The following KDM8 variants were observed in gnomAD, a reference collection of about 807,000 sequenced individuals.
KDM8 encodes lysine demethylase 8, also known as bifunctional peptidase and arginyl-hydroxylase JMJD5.
KDM8 carries 35 observed loss-of-function variants against 46.9 expected under a neutral mutation model. The ratio of observed to expected loss-of-function variants is 0.75; its 90% confidence interval spans 0.57 to 0.99. KDM8 has a LOEUF of 0.99. Ranked by LOEUF, KDM8 falls within the 50% of genes least tolerant of loss-of-function variation. The probability of loss-of-function intolerance (pLI) is 0.00; values close to 1 mark genes in which losing one functional copy is unlikely to be tolerated. For missense variants in KDM8, 475 were observed against 537.0 expected (o/e 0.88, Z 1.14); for synonymous variants, 232 against 227.7 (o/e 1.02, Z -0.17).
intron 1 of KDM8, among the ~76,000 whole-genome samples, chr16:27,208,900 A>G (rs114533779): frequency 0.013 from 1,907 of 152,342 alleles, 48 homozygotes; most frequent in African/African-American, 0.044. Context: ...CTTGCTAGAA[A>G]GAAAGTTCAT....
rs1330222317 is a variant in KDM8 at position 27,219,016 on chromosome 16, GGGA to G, written c.909_911del (p.Glu304del). 1.2e-6 allele frequency: 2 copies of G among 1,614,072 alleles called. No homozygotes were observed. The highest frequency in any genetic ancestry group is 2.2e-5 in the South Asian group (2 of 91,072). On this transcript the variant is annotated inframe_deletion, in exon 6 of 8. Coordinates refer to ENST00000286096, the MANE Select transcript of KDM8 (RefSeq NM_024773.3). The stretch of plus-strand genomic sequence containing the variant: ...CCCGACTACTGCAGCCTGGGCGATG[GGGA>G]GGAGGAGGAAATCACCATCAATGCC...
chr16:27,204,256 C>T, intron 1 of KDM8: 1 of 1,406,460 alleles, frequency 7.1e-7, no homozygotes. Context: ...TAACGATGGG[C>T]ATCGGTGCGT....
At chr16:27,209,382 G>A (rs111906739) in intron 1 of KDM8, among the ~76,000 whole-genome samples, 99 of 152,248 alleles carry the variant, frequency 6.5e-4, no homozygotes, top group African/African-American at 2.1e-3. Context: ...ATGTACCGCC[G>A]TGCCCAACTA....
intron 1 of KDM8, chr16:27,204,174 G>A (rs1390082192): frequency 1.3e-6 from 2 of 1,499,602 alleles, no homozygotes; most frequent in Non-Finnish European, 1.8e-6. Flanking sequence ...GGCCAGTGCG[G>A]GGTACGGGGG....
intron 1 of KDM8, among the ~76,000 whole-genome samples, chr16:27,206,951 A>G (rs1379758269): frequency 1.3e-5 from 2 of 152,384 alleles, no homozygotes; most frequent in East Asian, 3.9e-4. Context: ...CATGGCTAAC[A>G]GGAGCCAATG....
intron 1 of KDM8, chr16:27,204,412 G>A (rs2083408166): frequency 8.5e-7 from 1 of 1,170,506 alleles, no homozygotes; most frequent in South Asian, 3.3e-5. Context: ...CCTGTGCCAT[G>A]AATTAAAGCT....
chr16:27,213,117 G>A (rs996464181), intron 2 of KDM8, among the ~76,000 whole-genome samples: 4 of 152,158 alleles, frequency 2.6e-5, no homozygotes, highest in Non-Finnish European at 5.9e-5. Context: ...TGTAAGGACC[G>A]GGTGGCCATG....
chr16:27,220,321 C>G, intron 6 of KDM8, 72 bp from the exon 7 acceptor site: 1 of 1,315,188 alleles, frequency 7.6e-7, no homozygotes, highest in East Asian at 2.3e-5. Context: ...TGGAAGGGCA[C>G]AGAGGCCAGA....
intron 7 of KDM8, 36 bp from the exon 8 acceptor site, chr16:27,220,530 G>A: frequency 1.9e-6 from 3 of 1,614,068 alleles, no homozygotes; most frequent in Non-Finnish European, 2.5e-6. Context: ...TCTCCCCACT[G>A]CCCCTGGAGA....
At chr16:27,214,767 C>G in intron 3 of KDM8, 109 bp from the exon 4 acceptor site, 1 of 1,252,364 alleles carries the variant, frequency 8.0e-7, no homozygotes, top group African/African-American at 1.5e-5. Flanking sequence ...GTCCTTGTCT[C>G]TGCACGTGAG....
At chr16:27,219,136 CCTT>C in intron 6 of KDM8, 26 bp downstream of exon 6, 1 of 1,577,326 alleles carries the variant, frequency 6.3e-7, no homozygotes. Flanking sequence ...GGAATAGTGG[CCTT>C]CTAACTCCTC....
chr16:27,216,064 G>T, intron 5 of KDM8, 75 bp downstream of exon 5: 1 of 1,509,032 alleles, frequency 6.6e-7, no homozygotes, highest in Non-Finnish European at 9.2e-7. Flanking sequence ...GCTCAGTGCG[G>T]CTGGAGCAGT....
intron 1 of KDM8, among the ~76,000 whole-genome samples, chr16:27,208,832 C>T (rs2083452049): frequency 6.6e-6 from 1 of 152,180 alleles, no homozygotes; most frequent in Admixed American, 6.5e-5. Context: ...TTCTAGGAGG[C>T]TAGAGATAGA....
intron 1 of KDM8, among the ~76,000 whole-genome samples, chr16:27,208,545 G>T (rs546681179): frequency 5.2e-4 from 79 of 152,306 alleles, no homozygotes; most frequent in African/African-American, 1.8e-3. Context: ...CAGTTTTATA[G>T]TAGGGCAATA....
At chr16:27,216,644 C>T (rs1232134151) in intron 5 of KDM8, among the ~76,000 whole-genome samples, 1 of 152,034 alleles carries the variant, frequency 6.6e-6, no homozygotes, top group Non-Finnish European at 1.5e-5. Context: ...GCCAGGACTG[C>T]TTCTCTGTCT....
intron 2 of KDM8, among the ~76,000 whole-genome samples, chr16:27,210,832 G>A (rs972719120): frequency 2.0e-5 from 3 of 151,872 alleles, no homozygotes; most frequent in Non-Finnish European, 2.9e-5. Flanking sequence ...GTGTGATCTC[G>A]GCTCCTTGCA....
At chr16:27,207,177 G>A (rs2083436757) in intron 1 of KDM8, among the ~76,000 whole-genome samples, 1 of 152,240 alleles carries the variant, frequency 6.6e-6, no homozygotes, top group African/African-American at 2.4e-5. Flanking sequence ...GGAGGCTGAG[G>A]TGGGTGGATC....
In KDM8 at chr16:27,210,548, C is replaced by T; in HGVS notation, c.425C>T (p.Ala142Val). 1.3e-6 allele frequency: 2 copies of T among 1,534,784 alleles called. No individual in the cohort carries two copies. Among genetic ancestry groups the T allele is most frequent in the Non-Finnish European group, 1.8e-6 (2 of 1,139,846 alleles). Residue 142 changes from alanine to valine, a missense_variant, in exon 2 of 8, where the codon GCT becomes GTT. Ala to Val is a moderately conservative substitution (Grantham distance 64). Transcript: ENST00000286096. ...CTGGGGGACATCCTTCTTAAAGTCG[C>T]TGCCATCCTCCAGACACACCTCCCT... is the stretch of plus-strand genomic sequence containing the variant. ...AILGDILLKV[A>V]AILQTHLPGK...
At chr16:27,216,968 G>A (rs2083562650) in intron 5 of KDM8, among the ~76,000 whole-genome samples, 2 of 152,162 alleles carry the variant, frequency 1.3e-5, no homozygotes. Flanking sequence ...TGTAGGACAG[G>A]AGGAGTTATA....
Sources: allele counts gnomAD v4.1 joint callset (sites outside exome capture counted in the v4.1 genomes callset), GRCh38; gene constraint gnomAD v4.1.1; transcripts MANE v1.5; gene names NCBI Gene and HGNC (gene_info 2026-07-23, HGNC 2026-07-21).